SPATA6: variants seen among roughly 807,000 people sequenced by gnomAD.
The protein encoded by SPATA6 is spermatogenesis-associated protein 6.
A neutral mutation model predicts 65.3 loss-of-function variants in SPATA6; 56 were observed. The observed-to-expected ratio is 0.86, with a 90% confidence interval of 0.69 to 1.07. The LOEUF is 1.07. SPATA6 is among the 50% of genes least tolerant of loss of function. The pLI is 0.00. For synonymous variants in SPATA6, 199 were observed against 213.2 expected, an observed-to-expected ratio of 0.93 and a Z score of 0.58; for missense variants, 590 against 594.8, an observed-to-expected ratio of 0.99 and a Z score of 0.08.
the SPATA6 span, among the ~76,000 whole-genome samples, chr1:48,284,444 T>A: frequency 6.6e-6 from 1 of 152,232 alleles, no homozygotes; most frequent in Non-Finnish European, 1.5e-5. Context: ...TTCATCAAAC[T>A]CATTCTCCAT....
chr1:48,385,745 A>G (rs984330223), intron 8 of SPATA6, among the ~76,000 whole-genome samples: 3 of 152,186 alleles, frequency 2.0e-5, no homozygotes, highest in Non-Finnish European at 4.4e-5. Flanking sequence ...ACTCCATTCT[A>G]GATTCAGGTG....
chr1:48,303,372 C>T (rs142493663), intron 12 of SPATA6, among the ~76,000 whole-genome samples: 1 of 152,000 alleles, frequency 6.6e-6, no homozygotes, highest in Non-Finnish European at 1.5e-5. Flanking sequence ...GAACTTAACC[C>T]TTCTTCATAA....
At chr1:48,428,725 C>T (rs1408101950) in intron 3 of SPATA6, among the ~76,000 whole-genome samples, 3 of 147,220 alleles carry the variant, frequency 2.0e-5, no homozygotes, top group Admixed American at 1.4e-4. Context: ...GAAAATGGAT[C>T]CAAACAGTTC....
At chr1:48,447,234 C>A (rs779744665) in intron 3 of SPATA6, among the ~76,000 whole-genome samples, 4 of 152,128 alleles carry the variant, frequency 2.6e-5, no homozygotes, top group East Asian at 1.9e-4. Context: ...AAAAGTTATA[C>A]GTGGCCAGGC....
intron 11 of SPATA6, among the ~76,000 whole-genome samples, chr1:48,336,121 T>G (rs1228973272): frequency 6.6e-6 from 1 of 151,704 alleles, no homozygotes; most frequent in African/African-American, 2.4e-5. Flanking sequence ...CGTTAAAAAG[T>G]CAAAAAATAA....
intron 9 of SPATA6, among the ~76,000 whole-genome samples, chr1:48,366,923 G>T (rs961390744): frequency 6.6e-6 from 1 of 152,052 alleles, no homozygotes; most frequent in South Asian, 2.1e-4. Flanking sequence ...GCTTTGTCTT[G>T]TGGGCATTCA....
chr1:48,348,116 G>T (rs1646420378), intron 11 of SPATA6, among the ~76,000 whole-genome samples: 1 of 151,900 alleles, frequency 6.6e-6, no homozygotes, highest in South Asian at 2.1e-4. Flanking sequence ...TGCGGGCAGT[G>T]GGCAAGAACA....
Position 48,298,838 on chromosome 1 carries a change from T to C in SPATA6, c.1342A>G (p.Asn448Asp). 3.7e-6 allele frequency: 6 copies of C among 1,614,058 alleles called. No homozygotes were observed. The highest frequency in any genetic ancestry group is 1.3e-5 in the African/African-American group (1 of 75,046). Residue 448 changes from asparagine (N) to aspartate (D), a missense_variant, in exon 13 of 13, where the codon AAC (asparagine) becomes GAC (aspartate). Asn to Asp is a conservative substitution (Grantham distance 23). Coordinates refer to ENST00000371847, the MANE Select transcript of SPATA6 (RefSeq NM_019073.4). ...TTTCCCTTATAAGAGGCTGCCCTGT[T>C]GGACCAGTATTCACCGTCATCCAAA... is the stretch of plus-strand genomic sequence containing the variant. ...FHLDDGEYWSNRAASYKGKSH... is the reference protein window; with the variant it reads ...FHLDDGEYWSDRAASYKGKSH...
chr1:48,284,376 G>T, the SPATA6 span, among the ~76,000 whole-genome samples: 1 of 152,106 alleles, frequency 6.6e-6, no homozygotes, highest in Admixed American at 6.6e-5. Flanking sequence ...GTTAGAACAT[G>T]CTCCTTTAGT....
At chr1:48,452,384 A>T (rs1400813414) in intron 2 of SPATA6, among the ~76,000 whole-genome samples, 1 of 144,624 alleles carries the variant, frequency 6.9e-6, no homozygotes, top group Non-Finnish European at 1.5e-5. Context: ...AATATCATAT[A>T]TTCTTTTTTT....
chr1:48,404,856 T>A (rs1651547556), intron 5 of SPATA6, among the ~76,000 whole-genome samples: 1 of 152,148 alleles, frequency 6.6e-6, no homozygotes. Flanking sequence ...AATGGTAAAA[T>A]TCAAAAGGAC....
intron 4 of SPATA6, 80 bp downstream of exon 4, chr1:48,413,030 T>C (rs981077812): frequency 2.2e-5 from 9 of 417,300 alleles, no homozygotes; most frequent in Non-Finnish European, 3.0e-5. Flanking sequence ...AATAATATAG[T>C]ATAATCAATA....
intron 8 of SPATA6, among the ~76,000 whole-genome samples, chr1:48,395,013 T>C (rs573349168): frequency 1.3e-5 from 2 of 151,948 alleles, no homozygotes; most frequent in Non-Finnish European, 2.9e-5. Context: ...ATATATCACA[T>C]TTTTTAACAT....
chr1:48,338,312 C>T (rs926315722), intron 11 of SPATA6, among the ~76,000 whole-genome samples: 8 of 151,862 alleles, frequency 5.3e-5, no homozygotes, highest in African/African-American at 1.9e-4. Context: ...AGTGACAAAA[C>T]GTGAGTTTTA....
chr1:48,318,553 A>G (rs531272871), intron 11 of SPATA6, among the ~76,000 whole-genome samples: 73 of 152,254 alleles, frequency 4.8e-4, no homozygotes, highest in African/African-American at 1.6e-3. Context: ...AATACTTAGG[A>G]GTAAACTTGA....
chr1:48,452,443 G>T (rs1656657313), intron 2 of SPATA6, among the ~76,000 whole-genome samples: 1 of 151,096 alleles, frequency 6.6e-6, no homozygotes, highest in Non-Finnish European at 1.5e-5. Context: ...GAGTGCAGTG[G>T]CGCTATCTCC....
At chr1:48,440,918 A>G (rs926227558) in intron 3 of SPATA6, among the ~76,000 whole-genome samples, 14 of 152,214 alleles carry the variant, frequency 9.2e-5, no homozygotes, top group African/African-American at 3.4e-4. Context: ...GAGAGATCAG[A>G]CAAAGGCCAC....
intron 11 of SPATA6, among the ~76,000 whole-genome samples, chr1:48,315,817 A>G (rs1454985000): frequency 6.6e-6 from 1 of 152,214 alleles, no homozygotes; most frequent in East Asian, 1.9e-4. Context: ...AAATCTCCTT[A>G]AGCTGATAAG....
chr1:48,359,794 T>C lies in SPATA6; in HGVS notation c.910-24A>G, dbSNP rs1228768841. 8 of 1,538,760 alleles carry C rather than the reference T, an allele frequency of 5.2e-6. No individual in the cohort carries two copies. In the East Asian group the frequency reaches 1.5e-4, roughly 28 times the overall value. On this transcript the variant is annotated intron_variant, in intron 9 of 12. Coordinates refer to ENST00000371847, the MANE Select transcript of SPATA6 (RefSeq NM_019073.4). Reference sequence around the variant, plus strand: ...ACCTGTTTTAAAAATTATATACATATAGATATACAAATACAGATACATATG... The same window carrying C: ...ACCTGTTTTAAAAATTATATACATACAGATATACAAATACAGATACATATG...
Sources: allele counts gnomAD v4.1 joint callset (sites outside exome capture counted in the v4.1 genomes callset), GRCh38; gene constraint gnomAD v4.1.1; transcripts MANE v1.5; gene names NCBI Gene and HGNC (gene_info 2026-07-23, HGNC 2026-07-21).